Variants in TIAM1 observed in about 807,000 individuals in gnomAD.
TIAM1 encodes rho guanine nucleotide exchange factor TIAM1.
TIAM1 carries 65 observed loss-of-function variants against 163.5 expected under a neutral mutation model. The ratio of observed to expected loss-of-function variants is 0.40; its 90% CI spans 0.33 to 0.49. TIAM1 has a LOEUF of 0.49. Among genes scored for constraint, TIAM1 ranks in the 20% least tolerant of loss-of-function variants. The pLI is 0.77. For synonymous variants in TIAM1, 833 were observed against 810.1 expected (o/e 1.03, Z -0.48); for missense variants, 1,789 against 2,044.7 (o/e 0.87, Z 2.41).
intron 13 of TIAM1, among the ~76,000 whole-genome samples, chr21:31,191,668 A>C (rs1410878929): frequency 6.6e-6 from 1 of 152,202 alleles, no homozygotes; most frequent in African/African-American, 2.4e-5. Flanking sequence ...GCTTCTTTAC[A>C]TCGGATGAGT....
intron 1 of TIAM1, among the ~76,000 whole-genome samples, chr21:31,486,462 A>G (rs1226476640): frequency 6.6e-6 from 1 of 152,278 alleles, no homozygotes; most frequent in Non-Finnish European, 1.5e-5. Flanking sequence ...AGGGTGCGTC[A>G]GCACCTCCAC....
chr21:31,514,495 T>C (rs189137930), intron 1 of TIAM1, among the ~76,000 whole-genome samples: 35 of 144,258 alleles, frequency 2.4e-4, no homozygotes, highest in Non-Finnish European at 3.8e-4. Context: ...CTGACCAAGA[T>C]GGTAAAACCC....
chr21:31,401,685 G>T (rs2077166827), intron 2 of TIAM1, among the ~76,000 whole-genome samples: 1 of 152,116 alleles, frequency 6.6e-6, no homozygotes, highest in African/African-American at 2.4e-5. Context: ...CACTTTGAAA[G>T]GCTGAGGCTA....
intron 2 of TIAM1, among the ~76,000 whole-genome samples, chr21:31,458,076 C>T (rs558153552): frequency 2.0e-5 from 3 of 152,284 alleles, no homozygotes; most frequent in East Asian, 3.9e-4. Flanking sequence ...AAGTCAGACA[C>T]CTTGTATTAC....
intron 2 of TIAM1, among the ~76,000 whole-genome samples, chr21:31,283,377 T>A (rs771563841): frequency 6.6e-6 from 1 of 152,118 alleles, no homozygotes; most frequent in Admixed American, 6.5e-5. Flanking sequence ...CTCCCAAATA[T>A]TCATACAGCC....
At chr21:31,378,494 G>C (rs2076726679) in intron 2 of TIAM1, among the ~76,000 whole-genome samples, 1 of 152,236 alleles carries the variant, frequency 6.6e-6, no homozygotes, top group Non-Finnish European at 1.5e-5. Context: ...TGTCCTACCA[G>C]TGTGATTCAC....
intron 1 of TIAM1, among the ~76,000 whole-genome samples, chr21:31,541,034 T>C (rs2048310351): frequency 6.6e-6 from 1 of 152,226 alleles, no homozygotes; most frequent in East Asian, 1.9e-4. Context: ...GAAGGCAGTT[T>C]GGCAATTCAA....
At chr21:31,394,687 TTC>T (rs539349529) in intron 2 of TIAM1, among the ~76,000 whole-genome samples, 31 of 103,902 alleles carry the variant, frequency 3.0e-4, no homozygotes, top group Admixed American at 4.9e-4. Context: ...AATCTACTCA[TTC>T]TCTCTCTCTC....
chr21:31,142,915 C>T (rs951223335), intron 20 of TIAM1, among the ~76,000 whole-genome samples: 10 of 152,238 alleles, frequency 6.6e-5, no homozygotes, highest in African/African-American at 2.4e-4. Context: ...ACAGAGGTAC[C>T]TGGCAGGGGA....
At chr21:31,248,608 A>G (rs890686236) in intron 5 of TIAM1, among the ~76,000 whole-genome samples, 1 of 148,818 alleles carries the variant, frequency 6.7e-6, no homozygotes, top group Non-Finnish European at 1.5e-5. Context: ...ATCTTTAGGG[A>G]AAAAAAATCT....
chr21:31,319,588 C>T (rs1019410374), intron 2 of TIAM1, among the ~76,000 whole-genome samples: 3 of 151,954 alleles, frequency 2.0e-5, no homozygotes, highest in African/African-American at 7.3e-5. Context: ...ACCATTCTGG[C>T]TAACACAGTG....
At chr21:31,450,521 C>A (rs1319678220) in intron 2 of TIAM1, among the ~76,000 whole-genome samples, 2 of 152,060 alleles carry the variant, frequency 1.3e-5, no homozygotes, top group African/African-American at 4.8e-5. Context: ...GAGCACATAC[C>A]CAAAGGACCT....
At chr21:31,420,664 T>C (rs1237355064) in intron 2 of TIAM1, among the ~76,000 whole-genome samples, 1 of 152,218 alleles carries the variant, frequency 6.6e-6, no homozygotes, top group African/African-American at 2.4e-5. Flanking sequence ...CCAAACTTTG[T>C]CCAGCAGAGT....
Position 31,370,952 on chromosome 21 carries a change from G to C in TIAM1, c.-368-31530C>G, listed in dbSNP as rs1479842386. Among the ~76,000 whole-genome samples the C allele has an allele frequency of 2.0e-5, 3 of 152,244 alleles. No homozygotes were observed. The East Asian group carries it at 5.8e-4, about 29-fold the overall frequency. ...CCCACACATTTCTGGGGCCTCCCTG[G>C]TCTGTGGCCATTTGAGTTTGGCCCC... On this transcript the variant is annotated intron_variant, in intron 2 of 28. Transcript: ENST00000286827.
intron 1 of TIAM1, among the ~76,000 whole-genome samples, chr21:31,529,735 T>C (rs560248180): frequency 2.0e-5 from 3 of 152,090 alleles, no homozygotes; most frequent in African/African-American, 7.2e-5. Flanking sequence ...AGACATGTGT[T>C]TATAAACTTA....
chr21:31,250,228 C>T (rs1601702798), intron 5 of TIAM1, among the ~76,000 whole-genome samples: 1 of 151,330 alleles, frequency 6.6e-6, no homozygotes, highest in African/African-American at 2.4e-5. Flanking sequence ...GGAGCCAGGG[C>T]CTCTGAGTGA....
At chr21:31,173,495 T>C (rs1305917760) in intron 15 of TIAM1, among the ~76,000 whole-genome samples, 1 of 137,522 alleles carries the variant, frequency 7.3e-6, no homozygotes, top group Non-Finnish European at 1.6e-5. Context: ...CCAACAAAGC[T>C]AAAAAACAAA....
At position 31,251,986 on chromosome 21, in the gene TIAM1, C is replaced by T. The variant is rs768765375; in HGVS notation, c.1167G>A (p.Arg389=). The change falls in exon 5 of 28, where the codon CGG becomes CGA. Residue 389 remains arginine (R), a synonymous_variant. Coordinates refer to ENST00000541036, the MANE Select transcript of TIAM1 (RefSeq NM_001353694.2). ...ARQGVYENFR[R]ELEMSTTNSE... ...TGTTGGTGGTGCTCATCTCCAGCTC[C>T]CGCCGGAAGTTCTCGTACACCCCCT... 6.2e-7 allele frequency: 1 copy of T among 1,613,984 alleles called. No individual in the cohort carries two copies. Among genetic ancestry groups the T allele is most frequent in the Non-Finnish European group, 8.5e-7 (1 of 1,179,934 alleles).
intron 2 of TIAM1, among the ~76,000 whole-genome samples, chr21:31,443,145 GAA>G (rs1207127388): frequency 6.6e-6 from 1 of 152,176 alleles, no homozygotes; most frequent in East Asian, 1.9e-4. Context: ...AAAACAAAGG[GAA>G]AAGAGGATGG....
Sources: gnomAD v4.1 joint callset for allele counts (sites outside exome capture counted in the v4.1 genomes callset) on GRCh38, gnomAD v4.1.1 for gene constraint, MANE v1.5 for transcripts, NCBI Gene and HGNC (gene_info 2026-07-23, HGNC 2026-07-21) for gene names.